Variants in MDGA2 observed in about 807,000 individuals in gnomAD.
MDGA2 encodes MAM domain-containing glycosylphosphatidylinositol anchor protein 2.
In MDGA2, 40 loss-of-function variants were observed where a neutral mutation model predicts 117.8. The ratio of observed to expected loss-of-function variants is 0.34; its 90% CI spans 0.26 to 0.44. MDGA2 has a LOEUF of 0.44. MDGA2 is among the 20% of genes least tolerant of loss of function. The pLI is 1.00. For missense variants in MDGA2, 1,123 were observed against 1,250.6 expected (o/e 0.90, Z 1.54); for synonymous variants, 452 against 439.0 (o/e 1.03, Z -0.37).
At chr14:47,464,930 C>T (rs895713216) in intron 1 of MDGA2, among the ~76,000 whole-genome samples, 2 of 152,062 alleles carry the variant, frequency 1.3e-5, no homozygotes, top group Non-Finnish European at 2.9e-5. Flanking sequence ...CCAGAGTCAT[C>T]ACATTACCAA....
chr14:47,303,572 G>T (rs1475654376), intron 1 of MDGA2, among the ~76,000 whole-genome samples: 2 of 152,138 alleles, frequency 1.3e-5, no homozygotes, highest in East Asian at 3.9e-4. Flanking sequence ...AGTAATACTA[G>T]TGAAGTACTT....
intron 1 of MDGA2, among the ~76,000 whole-genome samples, chr14:47,460,509 GA>G (rs1393904469): frequency 6.6e-6 from 1 of 151,912 alleles, no homozygotes; most frequent in Admixed American, 6.6e-5. Flanking sequence ...GAAGAGAGGG[GA>G]AAGAATTACT....
At chr14:46,972,501 CTTCAT>C (rs1352036734) in intron 8 of MDGA2, among the ~76,000 whole-genome samples, 2 of 152,090 alleles carry the variant, frequency 1.3e-5, no homozygotes, top group Admixed American at 1.3e-4. Context: ...ATACTTATTA[CTTCAT>C]TTAATATTTA....
chr14:47,628,229 A>G lies in MDGA2; in HGVS notation c.280+46288T>C, dbSNP rs531801870. Among the ~76,000 whole-genome samples, 9 of 152,278 alleles carry G rather than the reference A, an allele frequency of 5.9e-5. No individual in the cohort carries two copies. The East Asian group carries it at 9.7e-4, about 16-fold the overall frequency. ...TAATTCTCCTCATCCATTTTTATGC[A>G]AATTGCTCTTGCATGGCATATTTTG... On this transcript the variant is annotated intron_variant, in intron 1 of 16. Coordinates refer to ENST00000399232, the MANE Select transcript of MDGA2 (RefSeq NM_001113498.3).
At chr14:47,623,406 A>G (rs1324190547) in intron 1 of MDGA2, among the ~76,000 whole-genome samples, 1 of 152,246 alleles carries the variant, frequency 6.6e-6, no homozygotes, top group Non-Finnish European at 1.5e-5. Flanking sequence ...TGAAGTTTCA[A>G]GGGACTGGTG....
At chr14:47,381,644 C>A (rs1243456134) in intron 1 of MDGA2, among the ~76,000 whole-genome samples, 1 of 152,076 alleles carries the variant, frequency 6.6e-6, no homozygotes. Flanking sequence ...CCTAGGAATC[C>A]AACTTACAAG....
At position 47,651,034 on chromosome 14, in the gene MDGA2, C is replaced by T. The variant is rs528179835; in HGVS notation, c.280+23483G>A. Reference sequence around the variant, plus strand: ...GTTTAATATTAGAAGCTTTTTGGGTCTTTATTTAGAAATTCAGTGATGATT... The same window carrying T: ...GTTTAATATTAGAAGCTTTTTGGGTTTTTATTTAGAAATTCAGTGATGATT... On this transcript the variant is annotated intron_variant, in intron 1 of 16. Coordinates refer to ENST00000399232, the MANE Select transcript of MDGA2 (RefSeq NM_001113498.3). Among the ~76,000 whole-genome samples the T allele has an allele frequency of 4.6e-5, 7 of 152,042 alleles. No individual in the cohort carries two copies. In the South Asian group the frequency reaches 1.5e-3, roughly 32 times the overall value.
At chr14:47,041,142 T>C (rs942055840) in intron 7 of MDGA2, among the ~76,000 whole-genome samples, 1 of 152,158 alleles carries the variant, frequency 6.6e-6, no homozygotes, top group African/African-American at 2.4e-5. Flanking sequence ...TGTTAGAATA[T>C]ACTTCTGATG....
intron 1 of MDGA2, among the ~76,000 whole-genome samples, chr14:47,574,478 C>T (rs969271587): frequency 6.6e-6 from 1 of 152,118 alleles, no homozygotes; most frequent in African/African-American, 2.4e-5. Flanking sequence ...GTTTGATGGA[C>T]TAAATACAAT....
intron 8 of MDGA2, among the ~76,000 whole-genome samples, chr14:47,032,736 C>A (rs532508040): frequency 7.9e-5 from 12 of 152,222 alleles, no homozygotes; most frequent in East Asian, 1.9e-4. Context: ...GGAAAATGAA[C>A]CTTTGATGTA....
intron 10 of MDGA2, among the ~76,000 whole-genome samples, chr14:46,885,107 G>A (rs901339682): frequency 1.3e-5 from 2 of 151,942 alleles, no homozygotes; most frequent in Non-Finnish European, 2.9e-5. Flanking sequence ...TCAGCCTCCT[G>A]AAGTGCTGGG....
At chr14:47,131,093 A>G (rs1882183179) in intron 5 of MDGA2, among the ~76,000 whole-genome samples, 1 of 151,954 alleles carries the variant, frequency 6.6e-6, no homozygotes, top group Admixed American at 6.6e-5. Flanking sequence ...TTAATTTATT[A>G]AAGTAATTCT....
intron 1 of MDGA2, among the ~76,000 whole-genome samples, chr14:47,317,402 A>C (rs17740642): frequency 0.15 from 22,533 of 152,118 alleles, 1,878 homozygotes; most frequent in Middle Eastern, 0.22. Context: ...TATATTTATG[A>C]AAACCTCAAA....
intron 2 of MDGA2, among the ~76,000 whole-genome samples, chr14:47,250,139 A>G (rs925414521): frequency 6.6e-6 from 1 of 152,206 alleles, no homozygotes; most frequent in Non-Finnish European, 1.5e-5. Context: ...CACTGAGTCA[A>G]TGTATTCCTA....
intron 2 of MDGA2, among the ~76,000 whole-genome samples, chr14:47,272,576 CA>C (rs376179720): frequency 6.4e-4 from 97 of 152,230 alleles, no homozygotes; most frequent in African/African-American, 2.1e-3. Flanking sequence ...AAGCAATCCC[CA>C]TATCAGCTGT....
At chr14:47,422,568 G>A (rs1461741307) in intron 1 of MDGA2, among the ~76,000 whole-genome samples, 2 of 152,128 alleles carry the variant, frequency 1.3e-5, no homozygotes, top group Non-Finnish European at 2.9e-5. Flanking sequence ...ATAAAGTTTT[G>A]TTTCCATCAT....
At chr14:47,637,555 A>C (rs182728329) in intron 1 of MDGA2, among the ~76,000 whole-genome samples, 132 of 152,294 alleles carry the variant, frequency 8.7e-4, no homozygotes, top group Admixed American at 2.0e-3. Flanking sequence ...CAAGGAAATA[A>C]TTTTTGGAGG....
intron 1 of MDGA2, among the ~76,000 whole-genome samples, chr14:47,618,302 A>C (rs1896984241): frequency 6.6e-6 from 1 of 152,222 alleles, no homozygotes; most frequent in East Asian, 1.9e-4. Flanking sequence ...AAAATTCAGA[A>C]TGAAAGATAA....
intron 15 of MDGA2, among the ~76,000 whole-genome samples, chr14:46,853,582 T>C (rs1031042233): frequency 1.6e-4 from 24 of 151,124 alleles, no homozygotes; most frequent in Admixed American, 6.6e-5. Flanking sequence ...CTGGAAACAA[T>C]GCAAACAAGA....
Sources: allele counts gnomAD v4.1 joint callset (sites outside exome capture counted in the v4.1 genomes callset), GRCh38; gene constraint gnomAD v4.1.1; transcripts MANE v1.5; gene names NCBI Gene and HGNC (gene_info 2026-07-23, HGNC 2026-07-21).